MGAM: variants seen among roughly 807,000 people sequenced by gnomAD.
MGAM encodes the protein maltase-glucoamylase.
Under a neutral mutation model 358.8 loss-of-function variants are expected in MGAM, and 253 were observed. That is an observed-to-expected ratio of 0.71 (90% CI 0.64 to 0.78). MGAM has a LOEUF of 0.78. Ranked by LOEUF, MGAM falls within the 30% of genes least tolerant of loss-of-function variation. The pLI, the probability that MGAM is intolerant of heterozygous loss-of-function variation, is 0.00. For synonymous variants in MGAM, 1,105 were observed against 1,227.1 expected (o/e 0.90, Z 2.08); for missense variants, 3,080 against 3,432.6 (o/e 0.90, Z 2.57).
chr7:142,046,638 G>T (rs567419965), intron 21 of MGAM, among the ~76,000 whole-genome samples: 20 of 152,072 alleles, frequency 1.3e-4, no homozygotes, highest in Admixed American at 1.1e-3. Flanking sequence ...TCAGTGTTTT[G>T]TTATCCTGTT....
intron 1 of MGAM, among the ~76,000 whole-genome samples, chr7:142,002,642 C>T (rs965425509): frequency 1.6e-4 from 25 of 151,996 alleles, no homozygotes; most frequent in African/African-American, 5.8e-4. Flanking sequence ...AAGTTCAGTA[C>T]GATTGAAAGC....
chr7:142,032,564 GA>G (rs1433593482), intron 13 of MGAM, among the ~76,000 whole-genome samples: 1 of 151,928 alleles, frequency 6.6e-6, no homozygotes, highest in Non-Finnish European at 1.5e-5. Flanking sequence ...CATATAAATT[GA>G]AACTTTTTTC....
intron 1 of MGAM, among the ~76,000 whole-genome samples, chr7:142,002,247 A>G (rs782034382): frequency 6.6e-6 from 1 of 152,184 alleles, no homozygotes; most frequent in Non-Finnish European, 1.5e-5. Context: ...TCACCCTGAT[A>G]CCAAAGACAA....
rs1447679256 is a variant in MGAM, at chr7:142,078,376, G to A, written c.5552G>A (p.Ser1851Asn). The A allele has an allele frequency of 1.3e-6, 2 of 1,520,284 alleles. 1 individual carries two copies. Among genetic ancestry groups the A allele is most frequent in the South Asian group, 2.4e-5 (2 of 84,844 alleles). The allele number at this position is 1,520,284 out of a possible 1,614,324, so 94.2% of individuals were successfully genotyped here. ...FLGEAYTVEW[S>N]IKIRDEEKID... is the part of the protein sequence containing the mutation. ...GGAGAAGCATACACAGTGGAGTGGA[G>A]CATAAAGATAAGGGATGAAGAAAAA... The change falls in exon 48 of 71, where the codon AGC (serine) becomes AAC (asparagine). Residue 1851 changes from serine to asparagine, a missense_variant. This residue lies in a region of MGAM where 932 missense variants were observed against 1,198.2 expected (regional missense o/e 0.78). Coordinates refer to ENST00000475668, the MANE Select transcript of MGAM (RefSeq NM_001365693.1).
chr7:142,034,159 A>G (rs781988797), intron 14 of MGAM, 103 bp from the exon 15 acceptor site: 9 of 757,284 alleles, frequency 1.2e-5, no homozygotes, highest in Non-Finnish European at 2.0e-5. Flanking sequence ...CAGGATGCCC[A>G]CAAAAGTGCC....
chr7:142,053,786 C>T (rs73153971), intron 26 of MGAM, among the ~76,000 whole-genome samples: 7,257 of 152,206 alleles, frequency 0.048, 345 homozygotes, highest in East Asian at 0.25. Flanking sequence ...GACATCAACC[C>T]GAATTCTGAG....
At chr7:141,990,260 C>A (rs1460747417) in intron 2 of MGAM, among the ~76,000 whole-genome samples, 2 of 152,184 alleles carry the variant, frequency 1.3e-5, no homozygotes, top group Admixed American at 1.3e-4. Flanking sequence ...ATGTATCATG[C>A]CAAATGATTC....
chr7:142,046,901 G>C (rs2961089), intron 21 of MGAM, among the ~76,000 whole-genome samples: 1 of 151,766 alleles, frequency 6.6e-6, no homozygotes, highest in Non-Finnish European at 1.5e-5. Flanking sequence ...ATTTAAGGTC[G>C]TTCAGATCAG....
chr7:142,057,097 TATC>T (rs2129036404), intron 30 of MGAM, among the ~76,000 whole-genome samples, 155 bp downstream of exon 30: 1 of 152,340 alleles, frequency 6.6e-6, no homozygotes, highest in Admixed American at 6.5e-5. Flanking sequence ...ACATTCTAAT[TATC>T]ATTAAATTTA....
chr7:142,065,925 A>T, intron 40 of MGAM, 94 bp downstream of exon 40: 7 of 980,016 alleles, frequency 7.1e-6, no homozygotes, highest in Non-Finnish European at 1.0e-5. Flanking sequence ...ATTTCCTGGG[A>T]TATCTTTAAA....
At chr7:142,038,663 G>C in intron 19 of MGAM, 48 bp downstream of exon 19, 1 of 1,380,862 alleles carries the variant, frequency 7.2e-7, no homozygotes, top group Middle Eastern at 1.8e-4. Context: ...ATCTGTATCT[G>C]CTGCCCTGCA....
intron 37 of MGAM, 22 bp downstream of exon 37, chr7:142,064,544 C>G (rs1203103694): frequency 1.3e-6 from 2 of 1,563,202 alleles, no homozygotes; most frequent in African/African-American, 1.4e-5. Flanking sequence ...TCTCCCTTCT[C>G]CAGCTGTCAC....
rs149938464 is a variant in MGAM, at chr7:142,091,927, T to C, written c.6825T>C (p.Tyr2275=). 2.6e-4 allele frequency: 399 copies of C among 1,508,834 alleles called. 48 individuals are homozygous for C. The East Asian group carries it at 4.8e-3, about 18-fold the overall frequency. The allele number at this position is 1,508,834 out of a possible 1,614,324, so 93.5% of individuals were successfully genotyped here. Residue 2275 remains tyrosine (Y), a synonymous_variant, in exon 58 of 71, where the codon TAT becomes TAC. Coordinates refer to ENST00000475668, the MANE Select transcript of MGAM (RefSeq NM_001365693.1). The part of the protein sequence containing the change: ...WDSQVELYRA[Y]VAFPDFFRNS... The stretch of plus-strand genomic sequence containing the variant: ...CTTTTTTATAGCTATATCGAGCTTA[T>C]GTGGCCTTCCCAGACTTTTTCCGTA...
intron 26 of MGAM, among the ~76,000 whole-genome samples, chr7:142,053,622 A>T (rs1472724935): frequency 2.6e-5 from 4 of 152,096 alleles, no homozygotes; most frequent in Non-Finnish European, 5.9e-5. Flanking sequence ...CTATTTTTCT[A>T]TTAAACTAAG....
chr7:142,030,577 C>T, intron 11 of MGAM, 64 bp from the exon 12 acceptor site: 1 of 1,605,702 alleles, frequency 6.2e-7, no homozygotes, highest in Non-Finnish European at 8.5e-7. Context: ...CCCCCAGTTC[C>T]CAGTCTCCTT....
At chr7:142,088,840 T>G (rs1815076510) in intron 57 of MGAM, among the ~76,000 whole-genome samples, 1 of 140,590 alleles carries the variant, frequency 7.1e-6, no homozygotes, top group Admixed American at 7.4e-5. Context: ...TATCTATCTA[T>G]CTATCTATCT....
At chr7:142,070,195 GAA>G (rs34471297) in intron 43 of MGAM, among the ~76,000 whole-genome samples, 25 of 111,216 alleles carry the variant, frequency 2.2e-4, no homozygotes, top group Non-Finnish European at 2.9e-4. Context: ...TTTGTCTCAA[GAA>G]AAAAAAAAAA....
chr7:142,011,172 C>T (rs1458283200), intron 3 of MGAM, among the ~76,000 whole-genome samples: 1 of 152,106 alleles, frequency 6.6e-6, no homozygotes, highest in Non-Finnish European at 1.5e-5. Context: ...GTGGTAATCT[C>T]AATAATTTGA....
chr7:142,057,460 A>G (rs920804145), intron 30 of MGAM, among the ~76,000 whole-genome samples: 7 of 132,544 alleles, frequency 5.3e-5, no homozygotes, highest in Admixed American at 1.6e-4. Flanking sequence ...TGGTGGTGAC[A>G]GTGAGGTGGT....
Sources: allele counts gnomAD v4.1 joint callset (sites outside exome capture counted in the v4.1 genomes callset), GRCh38; gene constraint gnomAD v4.1.1; regional missense constraint gnomAD v4.1.1; transcripts MANE v1.5; gene names NCBI Gene and HGNC (gene_info 2026-07-23, HGNC 2026-07-21).